Variants in LDB2 observed in about 807,000 individuals in gnomAD.
LDB2 encodes LIM domain binding 2, also known as LIM domain-binding protein 2.
In LDB2, 12 loss-of-function variants were observed where a neutral mutation model predicts 44.3. The ratio of observed to expected loss-of-function variants is 0.27; its 90% CI spans 0.17 to 0.44. The LOEUF (loss-of-function observed/expected upper bound fraction) is 0.44. LDB2 is among the 20% of genes least tolerant of loss of function. LDB2 has a pLI of 1.00. For missense variants in LDB2, 344 were observed against 473.5 expected (o/e 0.73, Z 2.54); for synonymous variants, 164 against 174.8 (o/e 0.94, Z 0.49).
In LDB2 at chr4:16,814,377, T is replaced by G. The variant is rs768703481; in HGVS notation, c.133-55117A>C. Among the ~76,000 whole-genome samples the G allele has an allele frequency of 1.6e-4, 24 of 152,308 alleles. No individual in the cohort carries two copies. The South Asian group carries it at 2.5e-3, about 16-fold the overall frequency. ...ATTCTCTCTCCTGTGACTTTGAATC[T>G]TGAATAGCAGGACACAAGTTCAGAA... On this transcript the variant is annotated intron_variant, in intron 1 of 7. Transcript: ENST00000304523.
At chr4:16,565,259 G>C (rs1464418154) in intron 5 of LDB2, among the ~76,000 whole-genome samples, 5 of 152,132 alleles carry the variant, frequency 3.3e-5, no homozygotes, top group Non-Finnish European at 7.4e-5. Flanking sequence ...CTAGTTCTAA[G>C]CTGGGCAAAG....
intron 5 of LDB2, among the ~76,000 whole-genome samples, chr4:16,532,224 T>C (rs1335898190): frequency 6.6e-6 from 1 of 152,200 alleles, no homozygotes; most frequent in Non-Finnish European, 1.5e-5. Flanking sequence ...CACAATGTTT[T>C]CTTCGGGTCC....
At chr4:16,735,097 A>C (rs558117582) in intron 2 of LDB2, among the ~76,000 whole-genome samples, 34 of 152,292 alleles carry the variant, frequency 2.2e-4, no homozygotes, top group African/African-American at 8.2e-4. Flanking sequence ...CCTCCATGAC[A>C]GTGTTTGACG....
intron 1 of LDB2, among the ~76,000 whole-genome samples, chr4:16,768,145 C>T (rs907081853): frequency 1.3e-5 from 2 of 152,110 alleles, no homozygotes; most frequent in Non-Finnish European, 2.9e-5. Flanking sequence ...CACATACACC[C>T]CCTCCAAAGA....
Position 16,788,233 on chromosome 4 carries a change from A to T in LDB2, c.133-28973T>A, listed in dbSNP as rs1053182161. On this transcript the variant is annotated intron_variant, in intron 1 of 7. Coordinates refer to ENST00000304523, the MANE Select transcript of LDB2 (RefSeq NM_001290.5). ...TAAGAAGCTCCAGACCATTCTATTAACAGGAGCCTCCGCTCTCCACAGGGC... is the reference window on the plus strand; with the variant it reads ...TAAGAAGCTCCAGACCATTCTATTATCAGGAGCCTCCGCTCTCCACAGGGC... 9.9e-5 allele frequency among the ~76,000 whole-genome samples: 15 copies of T among 152,282 alleles called. 1 individual carries two copies. The highest frequency in any genetic ancestry group is 9.1e-4 in the Admixed American group (14 of 15,304).
At chr4:16,512,214 C>T (rs2152237034) in intron 5 of LDB2, 110 bp from the exon 6 acceptor site, 1 of 1,058,056 alleles carries the variant, frequency 9.5e-7, no homozygotes, top group South Asian at 2.5e-5. Context: ...CTTTTATTTT[C>T]CTGGTTTTGA....
intron 1 of LDB2, among the ~76,000 whole-genome samples, chr4:16,868,922 A>G (rs1715599966): frequency 6.6e-6 from 1 of 152,046 alleles, no homozygotes; most frequent in Admixed American, 6.5e-5. Flanking sequence ...GAAGAGGAAG[A>G]CGTTACTGGT....
At chr4:16,624,387 A>G (rs1371923806) in intron 2 of LDB2, among the ~76,000 whole-genome samples, 3 of 152,188 alleles carry the variant, frequency 2.0e-5, no homozygotes, top group Non-Finnish European at 4.4e-5. Context: ...ATGAGCCACC[A>G]TGCCAAGTTA....
At chr4:16,553,701 C>T (rs1464490410) in intron 5 of LDB2, among the ~76,000 whole-genome samples, 2 of 152,148 alleles carry the variant, frequency 1.3e-5, no homozygotes, top group African/African-American at 2.4e-5. Flanking sequence ...AATGTCCTGC[C>T]CTGTCCCTGC....
intron 5 of LDB2, among the ~76,000 whole-genome samples, chr4:16,528,511 T>C (rs1039205080): frequency 1.3e-5 from 2 of 152,142 alleles, no homozygotes; most frequent in Non-Finnish European, 2.9e-5. Context: ...ATTGGAGGAT[T>C]TTGAATAGAG....
chr4:16,662,972 T>G (rs1742030694), intron 2 of LDB2, among the ~76,000 whole-genome samples: 1 of 152,074 alleles, frequency 6.6e-6, no homozygotes, highest in Non-Finnish European at 1.5e-5. Flanking sequence ...ATGAGAACAC[T>G]CCTTCCCCGA....
At chr4:16,562,996 C>T (rs950216089) in intron 5 of LDB2, among the ~76,000 whole-genome samples, 2 of 151,246 alleles carry the variant, frequency 1.3e-5, no homozygotes, top group African/African-American at 2.4e-5. Flanking sequence ...TGTTCTCACT[C>T]ATAGGTGGGA....
At position 16,519,089 on chromosome 4, in the gene LDB2, C is replaced by T. The variant is rs139441708; in HGVS notation, c.616-6985G>A. 5.3e-3 allele frequency among the ~76,000 whole-genome samples: 802 copies of T among 152,284 alleles called. 7 individuals carry two copies. The highest frequency in any genetic ancestry group is 0.018 in the African/African-American group (768 of 41,564). ...TAGAAATTTTCCTTTCTTGTGGCCTCGTTCACCTCTTATCTACGGCAAGCT... is the reference window on the plus strand; with the variant it reads ...TAGAAATTTTCCTTTCTTGTGGCCTTGTTCACCTCTTATCTACGGCAAGCT... On this transcript the variant is annotated intron_variant, in intron 5 of 7. Transcript: ENST00000304523.
At chr4:16,832,321 G>T (rs1784213171) in intron 1 of LDB2, among the ~76,000 whole-genome samples, 1 of 152,114 alleles carries the variant, frequency 6.6e-6, no homozygotes, top group Admixed American at 6.5e-5. Context: ...TACTTGCCTA[G>T]CTTATAATTA....
At chr4:16,702,783 G>A (rs758692350) in intron 2 of LDB2, among the ~76,000 whole-genome samples, 2 of 152,114 alleles carry the variant, frequency 1.3e-5, no homozygotes, top group South Asian at 2.1e-4. Context: ...CGGCTGGGGC[G>A]TCATTCCTCA....
intron 1 of LDB2, among the ~76,000 whole-genome samples, chr4:16,879,480 A>G (rs1246488794): frequency 6.6e-6 from 1 of 152,232 alleles, no homozygotes; most frequent in Non-Finnish European, 1.5e-5. Context: ...CATTCAATCT[A>G]TAGAAGGCTT....
chr4:16,688,351 C>T (rs560708356), intron 2 of LDB2, among the ~76,000 whole-genome samples: 1 of 152,314 alleles, frequency 6.6e-6, no homozygotes, highest in East Asian at 1.9e-4. Context: ...AAGCAGCCTC[C>T]CAGGCCCTCA....
chr4:16,712,890 A>G (rs557755332), intron 2 of LDB2, among the ~76,000 whole-genome samples: 3 of 152,356 alleles, frequency 2.0e-5, no homozygotes, highest in East Asian at 1.9e-4. Context: ...ATACTTCTAT[A>G]AAGACTTATA....
At chr4:16,509,630 C>G (rs1720923937) in intron 6 of LDB2, among the ~76,000 whole-genome samples, 1 of 152,082 alleles carries the variant, frequency 6.6e-6, no homozygotes, top group Non-Finnish European at 1.5e-5. Flanking sequence ...TAGTTAGGAA[C>G]TATTATTGTA....
Sources: gnomAD v4.1 joint callset for allele counts (sites outside exome capture counted in the v4.1 genomes callset) on GRCh38, gnomAD v4.1.1 for gene constraint, MANE v1.5 for transcripts, NCBI Gene and HGNC (gene_info 2026-07-23, HGNC 2026-07-21) for gene names.